The following TANC2 variants were observed in gnomAD, a reference collection of about 807,000 sequenced individuals.
TANC2 encodes the protein protein TANC2.
Under a neutral mutation model 210.5 loss-of-function variants are expected in TANC2, and 26 were observed. That is an observed-to-expected ratio of 0.12 (90% CI 0.09 to 0.17). The LOEUF is 0.17. Ranked by LOEUF, TANC2 falls within the 10% of genes least tolerant of loss-of-function variation. The pLI is 1.00. For missense variants in TANC2, 2,129 were observed against 2,608.9 expected (o/e 0.82, Z 4.01); for synonymous variants, 931 against 967.1 (o/e 0.96, Z 0.69).
In TANC2 at chr17:63,420,750, C is replaced by G; in HGVS notation, c.5020C>G (p.Gln1674Glu). ...ATCCAAAATGGCCCAGCGGCCCTAC[C>G]AGATGCCTCAGCTCCCTGTGGCAGT... Residue 1674 changes from glutamine to glutamate, a missense_variant, in exon 28 of 28, where the codon CAG becomes GAG. Physicochemically the swap from Gln to Glu is conservative, Grantham distance 29 (BLOSUM62 2). This residue lies in a region of TANC2 where 584 missense variants were observed against 627.3 expected (regional missense o/e 0.93). Transcript: ENST00000689528. This position sits in a 1 kb window ranked among gnomAD's most constrained non-coding sequence, Gnocchi z 4.2. The G allele has an allele frequency of 1.9e-6, 3 of 1,614,026 alleles. No homozygotes were observed. Among genetic ancestry groups the G allele is most frequent in the Non-Finnish European group, 2.5e-6 (3 of 1,179,886 alleles).
At chr17:63,186,865 T>C (rs1316482328) in intron 5 of TANC2, among the ~76,000 whole-genome samples, 1 of 152,200 alleles carries the variant, frequency 6.6e-6, no homozygotes, top group Non-Finnish European at 1.5e-5. Flanking sequence ...GCTGTATGAT[T>C]TATTTTGTGT....
intron 1 of TANC2, among the ~76,000 whole-genome samples, chr17:62,975,079 T>C (rs909745540): frequency 5.3e-5 from 8 of 152,194 alleles, no homozygotes; most frequent in African/African-American, 1.9e-4. Flanking sequence ...AATCCAGCCT[T>C]ATAAGTAGAT....
intron 9 of TANC2, among the ~76,000 whole-genome samples, chr17:63,299,626 GTTGT>G (rs2044646491): frequency 1.3e-5 from 2 of 151,426 alleles, no homozygotes; most frequent in Admixed American, 1.3e-4. Context: ...TTTTGGTGGG[GTTGT>G]TTGTTTTTTT....
chr17:63,386,215 AAG>A (rs1185498891), intron 15 of TANC2, among the ~76,000 whole-genome samples: 1 of 152,190 alleles, frequency 6.6e-6, no homozygotes, highest in Non-Finnish European at 1.5e-5. Context: ...AGTAATATGA[AAG>A]TGTTTTAAAG....
At chr17:63,176,658 T>C (rs1026582321) in intron 5 of TANC2, among the ~76,000 whole-genome samples, 3 of 151,602 alleles carry the variant, frequency 2.0e-5, no homozygotes, top group Non-Finnish European at 4.4e-5. Flanking sequence ...TACAAAAAAT[T>C]AGCCGGGTGT....
At chr17:63,279,102 C>CT (rs1209237081) in intron 9 of TANC2, among the ~76,000 whole-genome samples, 3 of 152,128 alleles carry the variant, frequency 2.0e-5, no homozygotes, top group Non-Finnish European at 4.4e-5. Flanking sequence ...TAATTAGCCT[C>CT]TCCCCCTATG....
chr17:63,060,824 G>T (rs140785034), intron 2 of TANC2, among the ~76,000 whole-genome samples: 5 of 152,098 alleles, frequency 3.3e-5, no homozygotes, highest in Non-Finnish European at 7.4e-5. Flanking sequence ...ATACTTAAAG[G>T]TAAGTTTTAC....
chr17:63,381,390 C>G (rs1295529188), intron 15 of TANC2: 1 of 152,154 alleles, frequency 6.6e-6, no homozygotes, highest in Non-Finnish European at 1.5e-5. Context: ...AAGACTTGGA[C>G]TATGGTTTTC....
At chr17:63,160,415 T>C (rs973940284) in intron 5 of TANC2, among the ~76,000 whole-genome samples, 4 of 152,176 alleles carry the variant, frequency 2.6e-5, no homozygotes, top group African/African-American at 7.2e-5. Flanking sequence ...TAAGGTGATA[T>C]TGTATATATC....
At chr17:63,111,401 A>C (rs369057395) in intron 4 of TANC2, among the ~76,000 whole-genome samples, 10 of 152,238 alleles carry the variant, frequency 6.6e-5, no homozygotes, top group African/African-American at 2.4e-4. Context: ...TAATAAAATC[A>C]CTACATAATT....
intron 2 of TANC2, among the ~76,000 whole-genome samples, chr17:63,063,198 G>C (rs906873940): frequency 2.6e-5 from 4 of 152,202 alleles, no homozygotes; most frequent in Non-Finnish European, 5.9e-5. Flanking sequence ...TGGATAAAGA[G>C]CCCGGAGCTT....
At chr17:63,345,631 A>AAAAAC (rs1055505735) in intron 12 of TANC2, among the ~76,000 whole-genome samples, 7 of 152,016 alleles carry the variant, frequency 4.6e-5, no homozygotes, top group African/African-American at 1.7e-4. Flanking sequence ...AAAAAAAAAA[A>AAAAAC]AAAAAAAACA....
chr17:63,011,245 T>G (rs1057064629), intron 2 of TANC2, among the ~76,000 whole-genome samples: 4 of 152,078 alleles, frequency 2.6e-5, no homozygotes, highest in African/African-American at 7.2e-5. Flanking sequence ...GTGTGTGTTT[T>G]TTTTACTACG....
At chr17:63,362,153 C>T (rs1318856133) in intron 14 of TANC2, among the ~76,000 whole-genome samples, 2 of 152,128 alleles carry the variant, frequency 1.3e-5, no homozygotes, top group Non-Finnish European at 2.9e-5. Context: ...TAGCTCCTAT[C>T]TACAGGCAGG....
At chr17:63,337,722 C>T (rs1398717641) in intron 11 of TANC2, among the ~76,000 whole-genome samples, 1 of 151,920 alleles carries the variant, frequency 6.6e-6, no homozygotes, top group Non-Finnish European at 1.5e-5. Flanking sequence ...ATCACCCGGG[C>T]ATTAAGCCTA....
chr17:63,065,498 A>G (rs759065560), intron 2 of TANC2, among the ~76,000 whole-genome samples: 1 of 152,204 alleles, frequency 6.6e-6, no homozygotes, highest in African/African-American at 2.4e-5. Context: ...ACTGTTTTCT[A>G]TAATCGCTGT....
chr17:63,265,974 G>A (rs1397818089), intron 8 of TANC2, among the ~76,000 whole-genome samples: 1 of 151,944 alleles, frequency 6.6e-6, no homozygotes, highest in Admixed American at 6.5e-5. Flanking sequence ...TTTGATATAA[G>A]CAGAAGAATC....
intron 8 of TANC2, among the ~76,000 whole-genome samples, chr17:63,264,554 C>T (rs1308476851): frequency 1.3e-5 from 2 of 152,102 alleles, no homozygotes; most frequent in Non-Finnish European, 2.9e-5. Context: ...ATGTTGAGAA[C>T]TTGGATTGAA....
intron 1 of TANC2, among the ~76,000 whole-genome samples, chr17:62,991,533 G>A (rs921966579): frequency 5.9e-4 from 90 of 151,726 alleles, no homozygotes; most frequent in Non-Finnish European, 2.2e-4. Flanking sequence ...CCAACTTCTC[G>A]GGAGGCTGAG....
Sources: allele counts gnomAD v4.1 joint callset (sites outside exome capture counted in the v4.1 genomes callset), GRCh38; gene constraint gnomAD v4.1.1; regional missense constraint gnomAD v4.1.1; non-coding constraint Gnocchi (gnomAD v3.1); transcripts MANE v1.5; gene names NCBI Gene and HGNC (gene_info 2026-07-23, HGNC 2026-07-21).